The following SGCD variants were observed in gnomAD, a reference collection of about 807,000 sequenced individuals.
The protein encoded by SGCD is delta-sarcoglycan.
A neutral mutation model predicts 36.6 loss-of-function variants in SGCD; 18 were observed. The ratio of observed to expected loss-of-function variants is 0.49; its 90% CI spans 0.34 to 0.73. The LOEUF is 0.73. Ranked by LOEUF, SGCD falls within the 30% of genes least tolerant of loss-of-function variation. The pLI, the probability that SGCD is intolerant of heterozygous loss-of-function variation, is 0.01. For missense variants in SGCD, 387 were observed against 346.7 expected, an observed-to-expected ratio of 1.12 and a Z score of -0.92; for synonymous variants, 133 against 130.6, an observed-to-expected ratio of 1.02 and a Z score of -0.12.
rs931800087 is a variant in SGCD at position 156,061,381 on chromosome 5, T to A, written c.-281-56497T>A. Among the ~76,000 whole-genome samples the A allele has an allele frequency of 5.5e-5, 8 of 146,122 alleles. No individual in the cohort carries two copies. In the East Asian group the frequency reaches 1.5e-3, roughly 28 times the overall value. On this transcript the variant is annotated intron_variant, in intron 1 of 9. Coordinates refer to the SGCD transcript ENST00000517913. Reference sequence around the variant, plus strand: ...AATTTCTGTTAGGTCTCATGTCTAATTCCTATAGGCTCCCTTCATGGTTTC... The same window carrying A: ...AATTTCTGTTAGGTCTCATGTCTAAATCCTATAGGCTCCCTTCATGGTTTC...
chr5:156,516,718 T>C (rs1440872832), intron 4 of SGCD, among the ~76,000 whole-genome samples: 1 of 152,164 alleles, frequency 6.6e-6, no homozygotes, highest in African/African-American at 2.4e-5. Context: ...AATAATGGGC[T>C]GGACGAGGTG....
At chr5:156,705,129 C>A (rs778944284) in intron 7 of SGCD, among the ~76,000 whole-genome samples, 6 of 152,058 alleles carry the variant, frequency 3.9e-5, no homozygotes, top group Non-Finnish European at 8.8e-5. Flanking sequence ...ATATAATATA[C>A]TGTTATAGGT....
At chr5:156,660,120 C>CTGA (rs1439743205) in intron 7 of SGCD, among the ~76,000 whole-genome samples, 1 of 150,266 alleles carries the variant, frequency 6.7e-6, no homozygotes, top group African/African-American at 2.5e-5. Flanking sequence ...TACCCGTGGC[C>CTGA]TGAGTGACAT....
chr5:156,207,659 A>C (rs1388677740), intron 3 of SGCD, among the ~76,000 whole-genome samples: 1 of 152,200 alleles, frequency 6.6e-6, no homozygotes, highest in Non-Finnish European at 1.5e-5. Context: ...TAATATTTTA[A>C]TATAAATTGT....
intron 1 of SGCD, among the ~76,000 whole-genome samples, chr5:156,006,846 T>C (rs541561069): frequency 6.6e-6 from 1 of 152,294 alleles, no homozygotes; most frequent in East Asian, 1.9e-4. Context: ...AGGGGAGAGT[T>C]TCTACACATA....
At chr5:156,434,710 A>C (rs1753171502) in intron 3 of SGCD, among the ~76,000 whole-genome samples, 2 of 152,214 alleles carry the variant, frequency 1.3e-5, no homozygotes, top group Non-Finnish European at 2.9e-5. Flanking sequence ...CCTAATCATT[A>C]GGCGATTGAG....
At chr5:156,499,203 A>G (rs1166262137) in intron 3 of SGCD, among the ~76,000 whole-genome samples, 2 of 152,150 alleles carry the variant, frequency 1.3e-5, no homozygotes, top group Non-Finnish European at 2.9e-5. Flanking sequence ...TTTAGTTACA[A>G]TGAGGGTTAA....
intron 3 of SGCD, among the ~76,000 whole-genome samples, chr5:156,289,085 G>A (rs770465418): frequency 3.3e-5 from 5 of 152,044 alleles, no homozygotes; most frequent in Non-Finnish European, 5.9e-5. Context: ...GTGTTCTACA[G>A]AAGATTAGTC....
chr5:156,592,332 T>C (rs1436049888), intron 5 of SGCD, among the ~76,000 whole-genome samples: 1 of 151,988 alleles, frequency 6.6e-6, no homozygotes, highest in East Asian at 1.9e-4. Context: ...ATTCTCAATC[T>C]CCCTCCTCAC....
At chr5:155,910,577 G>A (rs1215353862) in intron 1 of SGCD, among the ~76,000 whole-genome samples, 1 of 152,050 alleles carries the variant, frequency 6.6e-6, no homozygotes, top group Non-Finnish European at 1.5e-5. Context: ...AATATCCACA[G>A]AGGGCCATGA....
intron 7 of SGCD, among the ~76,000 whole-genome samples, chr5:156,665,110 G>T (rs1181016114): frequency 6.6e-6 from 1 of 151,740 alleles, no homozygotes; most frequent in Non-Finnish European, 1.5e-5. Flanking sequence ...TTCTGGGGGT[G>T]GCCGATACTG....
At chr5:156,282,422 G>A (rs151282039) in intron 3 of SGCD, among the ~76,000 whole-genome samples, 178 of 152,256 alleles carry the variant, frequency 1.2e-3, no homozygotes, top group African/African-American at 3.9e-3. Context: ...GAAGTGATGG[G>A]CACTCAAATA....
intron 1 of SGCD, among the ~76,000 whole-genome samples, chr5:156,087,259 T>G (rs538627384): frequency 6.6e-6 from 1 of 152,184 alleles, no homozygotes; most frequent in African/African-American, 2.4e-5. Context: ...TTAGGGCTAA[T>G]GAGATATTTC....
the SGCD span, among the ~76,000 whole-genome samples, chr5:155,798,342 G>A: frequency 3.3e-5 from 5 of 152,136 alleles, no homozygotes; most frequent in Non-Finnish European, 5.9e-5. Flanking sequence ...TTATAGCCAC[G>A]TGGTTATACA....
At position 156,022,946 on chromosome 5, in the gene SGCD, ACTT is replaced by A. The variant is rs972943001; in HGVS notation, c.-281-94928_-281-94926del. 7.2e-5 allele frequency among the ~76,000 whole-genome samples: 11 copies of A among 152,294 alleles called. No individual in the cohort carries two copies. The South Asian group carries it at 1.4e-3, about 20-fold the overall frequency. ...CAAGGTGCTTTTCCACCCAGCTGTC[ACTT>A]CTTTGTTTCCCAGCTAAAAAGCTCA... On this transcript the variant is annotated intron_variant, in intron 1 of 9. Transcript: ENST00000517913.
intron 3 of SGCD, among the ~76,000 whole-genome samples, chr5:156,144,647 A>G (rs1382311337): frequency 1.3e-5 from 2 of 152,232 alleles, no homozygotes; most frequent in Admixed American, 1.3e-4. Context: ...GCCCTTTGTC[A>G]GATGAGTAGG....
At chr5:156,376,544 A>T (rs2127744089) in intron 3 of SGCD, among the ~76,000 whole-genome samples, 1 of 152,310 alleles carries the variant, frequency 6.6e-6, no homozygotes, top group Non-Finnish European at 1.5e-5. Flanking sequence ...TCTCACATTG[A>T]CCCTAATGAG....
intron 6 of SGCD, among the ~76,000 whole-genome samples, chr5:156,622,381 C>T (rs989991353): frequency 2.0e-5 from 3 of 150,312 alleles, no homozygotes; most frequent in Admixed American, 6.6e-5. Flanking sequence ...TGCAGTGAGC[C>T]GAGATGGCAC....
intron 1 of SGCD, among the ~76,000 whole-genome samples, chr5:156,010,554 A>G (rs1052775125): frequency 6.6e-5 from 10 of 152,234 alleles, no homozygotes; most frequent in African/African-American, 2.4e-4. Context: ...CTAGGTAATT[A>G]CAGTATCTAG....
Sources: gnomAD v4.1 joint callset for allele counts (sites outside exome capture counted in the v4.1 genomes callset) on GRCh38, gnomAD v4.1.1 for gene constraint, MANE v1.5 for transcripts, NCBI Gene and HGNC (gene_info 2026-07-23, HGNC 2026-07-21) for gene names.